The following STXBP4 variants were observed in gnomAD, a reference collection of about 807,000 sequenced individuals.
STXBP4 encodes syntaxin-binding protein 4.
Under a neutral mutation model 76.1 loss-of-function variants are expected in STXBP4, and 55 were observed. The ratio of observed to expected loss-of-function variants is 0.72; its 90% CI spans 0.58 to 0.91. The LOEUF is 0.91. Ranked by LOEUF, STXBP4 falls within the 40% of genes least tolerant of loss-of-function variation. STXBP4 has a pLI of 0.00. For synonymous variants in STXBP4, 201 were observed against 220.2 expected, an observed-to-expected ratio of 0.91 and a Z score of 0.77; for missense variants, 618 against 636.9, an observed-to-expected ratio of 0.97 and a Z score of 0.32.
chr17:54,990,865 G>A lies in STXBP4; in HGVS notation c.88G>A (p.Gly30Ser), dbSNP rs752131935. ...GATGATTACAATTGCCAAGGAAACA[G>A]GCCTTGGCCTGAAGGTACTAGGAGG... ...FQMITIAKETGLGLKVLGGIN... is the reference protein window; with the variant it reads ...FQMITIAKETSLGLKVLGGIN... Residue 30 changes from glycine to serine, a missense_variant, in exon 4 of 18, where the codon GGC becomes AGC. Transcript: ENST00000376352. 1.2e-6 allele frequency: 2 copies of A among 1,604,014 alleles called. No homozygotes were observed. The highest frequency in any genetic ancestry group is 2.2e-5 in the South Asian group (2 of 89,194).
At chr17:55,131,339 TG>T (rs1172220866) in intron 16 of STXBP4, among the ~76,000 whole-genome samples, 2 of 152,226 alleles carry the variant, frequency 1.3e-5, no homozygotes, top group Non-Finnish European at 2.9e-5. Context: ...TATGCTGGTA[TG>T]GGGTACTCTT....
chr17:55,058,686 A>T (rs1053247635), intron 12 of STXBP4, among the ~76,000 whole-genome samples: 4 of 152,128 alleles, frequency 2.6e-5, no homozygotes, highest in Non-Finnish European at 5.9e-5. Context: ...GAAAGTTCTT[A>T]TAGTCGATGG....
intron 10 of STXBP4, among the ~76,000 whole-genome samples, chr17:55,035,277 A>G (rs564844903): frequency 5.5e-4 from 83 of 152,032 alleles, no homozygotes; most frequent in Non-Finnish European, 8.7e-4. Context: ...ATATAAATAC[A>G]TATATTTTTA....
Position 55,056,787 on chromosome 17 carries a change from G to A in STXBP4, c.1011+9633G>A, listed in dbSNP as rs116395347. ...GGAGATCTGCCAAGGCAGGCAGATC[G>A]CTTGAGCCCAGCAGTTCCATTCCAG... On this transcript the variant is annotated intron_variant, in intron 12 of 17. Transcript: ENST00000376352. Among the ~76,000 whole-genome samples the A allele has an allele frequency of 1.3e-3, 198 of 152,168 alleles. 1 individual carries two copies. The highest frequency in any genetic ancestry group is 4.3e-3 in the African/African-American group (178 of 41,520).
Position 54,986,147 on chromosome 17 carries a change from GA to G in STXBP4, c.-71del, listed in dbSNP as rs1341358238. On this transcript the variant is annotated 5_prime_UTR_variant, in exon 3 of 18. Transcript: ENST00000376352. Reference sequence around the variant, plus strand: ...TTCTACTTCTTCAATCCTAGGAAAAGAAGAATTTCTAGACTCTTCATCAAGA... The same window carrying G: ...TTCTACTTCTTCAATCCTAGGAAAAGAGAATTTCTAGACTCTTCATCAAGA... 2.3e-6 allele frequency: 3 copies of G among 1,307,496 alleles called. No homozygotes were observed. The African/African-American group carries it at 4.5e-5, about 19-fold the overall frequency. The allele number at this position is 1,307,496 out of a possible 1,614,324, so 81.0% of individuals were successfully genotyped here.
intron 17 of STXBP4, among the ~76,000 whole-genome samples, chr17:55,145,246 C>T (rs2080139318): frequency 6.6e-6 from 1 of 152,150 alleles, no homozygotes; most frequent in Admixed American, 6.6e-5. Context: ...GTCTGTGTAG[C>T]CTGTGTTAGC....
At chr17:54,978,510 A>G (rs1018104916) in intron 1 of STXBP4, among the ~76,000 whole-genome samples, 58 of 152,310 alleles carry the variant, frequency 3.8e-4, no homozygotes, top group African/African-American at 1.3e-3. Context: ...TTTGTGAAAC[A>G]CCAGATCTAT....
At chr17:55,151,851 G>C (rs1296159222) in intron 17 of STXBP4, among the ~76,000 whole-genome samples, 5 of 152,122 alleles carry the variant, frequency 3.3e-5, no homozygotes, top group African/African-American at 1.2e-4. Context: ...AACTCCAGCT[G>C]TATAGAAAAT....
intron 16 of STXBP4, among the ~76,000 whole-genome samples, chr17:55,136,133 T>G (rs1273163673): frequency 6.6e-6 from 1 of 152,156 alleles, no homozygotes; most frequent in Non-Finnish European, 1.5e-5. Flanking sequence ...ATAAACTACC[T>G]AGAAGAATGT....
intron 16 of STXBP4, among the ~76,000 whole-genome samples, chr17:55,139,602 A>G (rs1006529720): frequency 6.6e-6 from 1 of 152,096 alleles, no homozygotes; most frequent in Non-Finnish European, 1.5e-5. Context: ...AAATAAATCT[A>G]CTTGAACTGG....
At chr17:55,211,065 A>G in the STXBP4 span, among the ~76,000 whole-genome samples, 11 of 152,070 alleles carry the variant, frequency 7.2e-5, no homozygotes, top group Non-Finnish European at 1.6e-4. Context: ...TGCTCATTTT[A>G]AAACTTTTAG....
chr17:54,997,591 T>A (rs28521301), intron 4 of STXBP4, among the ~76,000 whole-genome samples: 19 of 139,350 alleles, frequency 1.4e-4, no homozygotes, highest in African/African-American at 4.1e-4. Flanking sequence ...TATATATATT[T>A]TATATATTTT....
intron 8 of STXBP4, among the ~76,000 whole-genome samples, chr17:55,015,610 G>A (rs2078193195): frequency 6.6e-6 from 1 of 151,660 alleles, no homozygotes; most frequent in Non-Finnish European, 1.5e-5. Flanking sequence ...CACTCTGGCT[G>A]GACCAAATTC....
chr17:55,011,508 C>CTTTTTTTTTTTTT lies in STXBP4; in HGVS notation c.666+3916_666+3928dup, dbSNP rs3080154. Among the ~76,000 whole-genome samples the CTTTTTTTTTTTTT allele has an allele frequency of 5.2e-3, 443 of 85,878 alleles. 22 individuals carry two copies. The highest frequency in any genetic ancestry group is 0.021 in the Middle Eastern group (2 of 96). 56.3% of individuals were successfully genotyped at this position (85,878 alleles called of 152,430 possible). On this transcript the variant is annotated intron_variant, in intron 8 of 17. Coordinates refer to ENST00000376352, the MANE Select transcript of STXBP4 (RefSeq NM_178509.6). ...GGATCAAAGAGTTTATTTTCTTTTT[C>CTTTTTTTTTTTTT]TTTTTTTTTTTTTTTTTGCAGTTGC...
At chr17:55,150,677 T>C (rs2080206411) in intron 17 of STXBP4, among the ~76,000 whole-genome samples, 1 of 152,190 alleles carries the variant, frequency 6.6e-6, no homozygotes, top group South Asian at 2.1e-4. Flanking sequence ...TTTAGGCAAA[T>C]TGCAAGAGTT....
intron 16 of STXBP4, among the ~76,000 whole-genome samples, chr17:55,132,326 G>T (rs889874798): frequency 6.6e-6 from 1 of 152,102 alleles, no homozygotes. Flanking sequence ...GAGTAGCTGG[G>T]ATTACAGGTG....
At chr17:55,020,192 C>T (rs1336629053) in intron 8 of STXBP4, among the ~76,000 whole-genome samples, 1 of 152,100 alleles carries the variant, frequency 6.6e-6, no homozygotes, top group African/African-American at 2.4e-5. Flanking sequence ...CAGGCCTCTC[C>T]TTCATATTTT....
chr17:55,081,244 TCAGA>T, intron 16 of STXBP4, 61 bp downstream of exon 16: 2 of 1,310,670 alleles, frequency 1.5e-6, no homozygotes, highest in South Asian at 2.2e-5. Flanking sequence ...CAAATTGAAG[TCAGA>T]CAGTTGAATT....
At chr17:55,120,266 TA>T (rs1355389477) in intron 16 of STXBP4, among the ~76,000 whole-genome samples, 1 of 152,216 alleles carries the variant, frequency 6.6e-6, no homozygotes, top group African/African-American at 2.4e-5. Context: ...GTTTTCAAAT[TA>T]AAATTCCATA....
Sources: allele counts gnomAD v4.1 joint callset (sites outside exome capture counted in the v4.1 genomes callset), GRCh38; gene constraint gnomAD v4.1.1; transcripts MANE v1.5; gene names NCBI Gene and HGNC (gene_info 2026-07-23, HGNC 2026-07-21).